PDE8B: variants seen among roughly 807,000 people sequenced by gnomAD.
PDE8B encodes the protein high affinity cAMP-specific and IBMX-insensitive 3',5'-cyclic phosphodiesterase 8B.
A neutral mutation model predicts 101.3 loss-of-function variants in PDE8B; 26 were observed. The ratio of observed to expected loss-of-function variants is 0.26; its 90% CI spans 0.19 to 0.36. The LOEUF is 0.36. Ranked by LOEUF, PDE8B falls within the 10% of genes least tolerant of loss-of-function variation. The pLI is 1.00. For synonymous variants in PDE8B, 424 were observed against 429.3 expected (o/e 0.99, Z 0.15); for missense variants, 810 against 1,163.1 (o/e 0.70, Z 4.42).
At chr5:77,210,208 TG>T (rs1045128417), upstream of PDE8B, among the ~76,000 whole-genome samples, 20 of 151,658 alleles carry the variant, frequency 1.3e-4, no homozygotes, top group African/African-American at 4.8e-4. The surrounding 1 kb of genome is among the most constrained non-coding windows in gnomAD (Gnocchi z 4.9). Flanking sequence ...GCTGGGGCGC[TG>T]GGGGCGGCGT....
intron 1 of PDE8B, among the ~76,000 whole-genome samples, chr5:77,254,615 A>G (rs1201610300): frequency 2.0e-5 from 3 of 151,174 alleles, no homozygotes; most frequent in African/African-American, 7.3e-5. Flanking sequence ...TTTTTTTCCT[A>G]TCAAGTTTCG....
chr5:77,292,995 T>G (rs1767719170), intron 1 of PDE8B, among the ~76,000 whole-genome samples: 1 of 152,170 alleles, frequency 6.6e-6, no homozygotes, highest in South Asian at 2.1e-4. Context: ...ATTTAAAATT[T>G]TAATCTATCT....
chr5:77,375,300 T>C (rs1381419245), intron 10 of PDE8B, among the ~76,000 whole-genome samples: 1 of 152,204 alleles, frequency 6.6e-6, no homozygotes, highest in Non-Finnish European at 1.5e-5. Flanking sequence ...GAACCACTGC[T>C]GCTTGGAGGC....
In PDE8B at chr5:77,231,412, T is replaced by C. The variant is rs543066682; in HGVS notation, c.339+20148T>C. Among the ~76,000 whole-genome samples the C allele has an allele frequency of 6.0e-4, 92 of 152,350 alleles. 1 individual carries two copies. The highest frequency in any genetic ancestry group is 1.0e-3 in the Admixed American group (16 of 15,312). On this transcript the variant is annotated intron_variant, in intron 1 of 21. Coordinates refer to ENST00000264917, the MANE Select transcript of PDE8B (RefSeq NM_003719.5). ...TGACTTAAAGTTCTTAAGGAAAAACTGTTTCTCTTTAAGCTGTTTTTCTTT... is the reference window on the plus strand; with the variant it reads ...TGACTTAAAGTTCTTAAGGAAAAACCGTTTCTCTTTAAGCTGTTTTTCTTT...
At position 77,412,206 on chromosome 5, in the gene PDE8B, C is replaced by A. The variant is rs1299748461; in HGVS notation, c.1683C>A (p.Ile561=). ...LDNEESWDFN[I]FELEAITHKR... ...ATGAGGAGAGTTGGGACTTCAACAT[C>A]TTTGAATTGGAAGCCATTACGCATA... Residue 561 remains isoleucine (I), a synonymous_variant, in exon 16 of 22, where the codon ATC becomes ATA. Coordinates refer to ENST00000264917, the MANE Select transcript of PDE8B (RefSeq NM_003719.5). The A allele has an allele frequency of 1.2e-6, 2 of 1,614,112 alleles. No individual in the cohort carries two copies. The highest frequency in any genetic ancestry group is 1.7e-6 in the Non-Finnish European group (2 of 1,179,964).
the PDE8B span, among the ~76,000 whole-genome samples, chr5:77,131,556 A>G: frequency 1.2e-4 from 18 of 152,236 alleles, no homozygotes; most frequent in African/African-American, 4.1e-4. Flanking sequence ...ATTTAACCTC[A>G]TTCATCAACT....
At chr5:77,256,531 T>C (rs1759211965) in intron 1 of PDE8B, among the ~76,000 whole-genome samples, 1 of 152,192 alleles carries the variant, frequency 6.6e-6, no homozygotes, top group Non-Finnish European at 1.5e-5. Flanking sequence ...TTGTTTCCAG[T>C]TTTTTAGTGC....
chr5:77,243,320 AT>A (rs1424294186), intron 1 of PDE8B, among the ~76,000 whole-genome samples: 1 of 152,090 alleles, frequency 6.6e-6, no homozygotes, highest in African/African-American at 2.4e-5. Flanking sequence ...TTAGCATTGC[AT>A]TTTTTTGTTT....
rs77175255 is a variant in PDE8B at position 77,415,138 on chromosome 5, G to T, written c.1911+1829G>T. On this transcript the variant is annotated intron_variant, in intron 17 of 21. Coordinates refer to ENST00000264917, the MANE Select transcript of PDE8B (RefSeq NM_003719.5). The stretch of plus-strand genomic sequence containing the variant: ...CCAGAAAACTTAGAGCTGCGAGGAA[G>T]CTTGGAGAACTGAGCTGGAAGGGGT... 3.3e-4 allele frequency among the ~76,000 whole-genome samples: 50 copies of T among 152,238 alleles called. 1 individual carries two copies. In the East Asian group the frequency reaches 9.7e-3, roughly 29 times the overall value.
chr5:77,357,409 C>A (rs565432800), intron 10 of PDE8B, among the ~76,000 whole-genome samples: 1 of 152,276 alleles, frequency 6.6e-6, no homozygotes, highest in East Asian at 1.9e-4. Flanking sequence ...GGTCAGCCTC[C>A]CCTAATTAAA....
chr5:77,412,640 T>G (rs1470393471), intron 16 of PDE8B, among the ~76,000 whole-genome samples: 1 of 152,170 alleles, frequency 6.6e-6, no homozygotes, highest in Non-Finnish European at 1.5e-5. Flanking sequence ...GAAGGCTGTT[T>G]CTTCCCAGAG....
the PDE8B span, chr5:77,106,168 A>G: frequency 6.6e-6 from 1 of 152,202 alleles, no homozygotes; most frequent in Non-Finnish European, 1.5e-5. Flanking sequence ...AATTAATTTT[A>G]TAAAAGCTTA....
chr5:77,208,779 G>C (rs1475385725), upstream of PDE8B, among the ~76,000 whole-genome samples: 3 of 152,148 alleles, frequency 2.0e-5, no homozygotes, highest in East Asian at 3.9e-4. Flanking sequence ...CAGCTGAAGA[G>C]AGCCACCTTG....
At chr5:77,425,413 C>T (rs926889413) in intron 20 of PDE8B, among the ~76,000 whole-genome samples, 6 of 152,070 alleles carry the variant, frequency 3.9e-5, no homozygotes, top group African/African-American at 7.2e-5. Flanking sequence ...ATTAGCTGGA[C>T]GTGGTGACAG....
chr5:77,147,027 G>A, the PDE8B span: 1 of 452,106 alleles, frequency 2.2e-6, no homozygotes, highest in Non-Finnish European at 4.4e-6. Flanking sequence ...GAAGCTGAAG[G>A]AAAAATATGA....
intron 20 of PDE8B, among the ~76,000 whole-genome samples, chr5:77,423,479 C>A (rs921889941): frequency 2.6e-5 from 4 of 152,120 alleles, no homozygotes; most frequent in Non-Finnish European, 5.9e-5. Context: ...TTATTTCTCA[C>A]CAACAGTGTA....
the PDE8B span, among the ~76,000 whole-genome samples, chr5:77,181,315 A>C: frequency 1.3e-5 from 2 of 152,204 alleles, no homozygotes; most frequent in East Asian, 3.9e-4. Flanking sequence ...GTAGGGAGGG[A>C]CGCTTAGTGC....
intron 5 of PDE8B, among the ~76,000 whole-genome samples, chr5:77,336,608 A>G (rs1411946851): frequency 2.8e-5 from 4 of 143,338 alleles, no homozygotes; most frequent in Non-Finnish European, 6.0e-5. Flanking sequence ...ATACACCACA[A>G]TTTGTTTATC....
chr5:77,106,844 AT>A, the PDE8B span, among the ~76,000 whole-genome samples: 3 of 151,932 alleles, frequency 2.0e-5, no homozygotes, highest in African/African-American at 4.8e-5. Context: ...ACTATGTCAT[AT>A]TTTTTGACGG....
Sources: gnomAD v4.1 joint callset for allele counts (sites outside exome capture counted in the v4.1 genomes callset) on GRCh38, gnomAD v4.1.1 for gene constraint, Gnocchi (gnomAD v3.1) non-coding constraint, MANE v1.5 for transcripts, NCBI Gene and HGNC (gene_info 2026-07-23, HGNC 2026-07-21) for gene names.